Variants in STRN observed in about 807,000 individuals in gnomAD.
The protein encoded by STRN is striatin.
A neutral mutation model predicts 96.3 loss-of-function variants in STRN; 53 were observed. That is an observed-to-expected ratio of 0.55 (90% CI 0.44 to 0.69). The LOEUF is 0.69. STRN is among the 30% of genes least tolerant of loss of function. STRN has a pLI of 0.00. For synonymous variants in STRN, 428 were observed against 355.9 expected (o/e 1.20, Z -2.28); for missense variants, 987 against 963.9 (o/e 1.02, Z -0.32).
rs558810928 is a variant in STRN, at chr2:36,850,953, T to TG, written c.2086+46_2086+47insC. On this transcript the variant is annotated intron_variant, in intron 16 of 17. Coordinates refer to ENST00000263918, the MANE Select transcript of STRN (RefSeq NM_003162.4). ...AAAATTAGCCTACTTGTGGTAGGGA[T>TG]TTTTTTTTTTTGCTTTAATAAAAAT... 457 of 1,044,282 alleles carry TG rather than the reference T, an allele frequency of 4.4e-4. 3 individuals carry two copies. In the African/African-American group the frequency reaches 0.018, roughly 40 times the overall value. 64.7% of individuals were successfully genotyped at this position (1,044,282 alleles called of 1,614,324 possible). A position where few individuals can be genotyped will look rare whatever the true frequency, so the allele number is the denominator to read the frequency against.
At chr2:36,852,035 T>A (rs950077656) in intron 15 of STRN, among the ~76,000 whole-genome samples, 1 of 152,180 alleles carries the variant, frequency 6.6e-6, no homozygotes, top group Non-Finnish European at 1.5e-5. Context: ...AGTGAACACA[T>A]CAAGGTTCAG....
intron 1 of STRN, among the ~76,000 whole-genome samples, chr2:36,926,627 C>T (rs578219327): frequency 3.3e-5 from 5 of 152,240 alleles, no homozygotes; most frequent in Admixed American, 1.3e-4. Flanking sequence ...TAAAATCCAA[C>T]TTATCTAGTC....
chr2:36,903,044 T>C (rs1438267713), intron 4 of STRN: 2 of 180,112 alleles, frequency 1.1e-5, no homozygotes, highest in African/African-American at 4.7e-5. Flanking sequence ...ATTCTTTTCT[T>C]TAGGCTGGAT....
intron 11 of STRN, among the ~76,000 whole-genome samples, chr2:36,868,854 T>C (rs1668694152): frequency 1.3e-5 from 2 of 151,980 alleles, no homozygotes; most frequent in African/African-American, 4.8e-5. Context: ...AAAGGGTCTT[T>C]GCTGGCAGAT....
rs1455093869 is a variant in STRN at position 36,844,733 on chromosome 2, A to C, written c.*4723T>G. On this transcript the variant is annotated 3_prime_UTR_variant, in exon 18 of 18. Transcript: ENST00000263918. ...AAAGGATCTGTTAAATACTTTGTCA[A>C]CCTGGCATCCCTGACACTGACATGA... The C allele has an allele frequency of 2.0e-5, 3 of 152,140 alleles. No homozygotes were observed. Among genetic ancestry groups the C allele is most frequent in the African/African-American group, 7.2e-5 (3 of 41,450 alleles). 9.4% of individuals were successfully genotyped at this position (152,140 alleles called of 1,614,324 possible). A position where few individuals can be genotyped will look rare whatever the true frequency, so the allele number is the denominator to read the frequency against.
chr2:36,924,603 C>T (rs112226579), intron 2 of STRN, among the ~76,000 whole-genome samples: 5 of 152,076 alleles, frequency 3.3e-5, no homozygotes, highest in Non-Finnish European at 7.4e-5. Flanking sequence ...TAAGAAATCA[C>T]ATAAATCAGT....
Position 36,847,739 on chromosome 2 carries a change from T to C in STRN, c.*1717A>G, listed in dbSNP as rs1171046796. On this transcript the variant is annotated 3_prime_UTR_variant, in exon 18 of 18. Transcript: ENST00000263918. ...AATTCTAGAGGCAAACAGGCAGAAA[T>C]TTTACAGAAATATTTGTCAATCATT... 6.6e-6 allele frequency: 1 copy of C among 152,074 alleles called. No homozygotes were observed. The highest frequency in any genetic ancestry group is 1.5e-5 in the Non-Finnish European group (1 of 68,014). 9.4% of individuals were successfully genotyped at this position (152,074 alleles called of 1,614,324 possible). A position where few individuals can be genotyped will look rare whatever the true frequency, so the allele number is the denominator to read the frequency against.
At chr2:36,900,788 G>T (rs1029145081) in intron 5 of STRN, among the ~76,000 whole-genome samples, 1 of 152,082 alleles carries the variant, frequency 6.6e-6, no homozygotes, top group African/African-American at 2.4e-5. Flanking sequence ...GGCTACTCGG[G>T]AGGCTTAGGC....
intron 1 of STRN, among the ~76,000 whole-genome samples, chr2:36,952,449 G>GA (rs10557458): frequency 2.7e-3 from 207 of 76,804 alleles, no homozygotes; most frequent in South Asian, 6.1e-3. Flanking sequence ...AAGCACGAGA[G>GA]AAAAAAAAAA....
At chr2:36,881,542 A>T (rs1475412930) in intron 9 of STRN, among the ~76,000 whole-genome samples, 1 of 152,240 alleles carries the variant, frequency 6.6e-6, no homozygotes, top group East Asian at 1.9e-4. Context: ...TATCAGTTAT[A>T]GACAATTAAA....
rs1667967101 is a variant in STRN, at chr2:36,842,102, C to G, written c.*7354G>C. The G allele has an allele frequency of 6.6e-6, 1 of 152,208 alleles. No individual in the cohort carries two copies. The highest frequency in any genetic ancestry group is 2.4e-5 in the African/African-American group (1 of 41,440). 9.4% of individuals were successfully genotyped at this position (152,208 alleles called of 1,614,324 possible). On this transcript the variant is annotated 3_prime_UTR_variant, in exon 18 of 18. Coordinates refer to ENST00000263918, the MANE Select transcript of STRN (RefSeq NM_003162.4). The stretch of plus-strand genomic sequence containing the variant: ...ATTTCCAAAGGGAAGTAGTTGGATG[C>G]CAGCATACTTTAACATTTCGGCACA...
chr2:36,950,867 GCAGGCT>G (rs1429630424), intron 1 of STRN, among the ~76,000 whole-genome samples: 4 of 152,164 alleles, frequency 2.6e-5, no homozygotes, highest in Non-Finnish European at 5.9e-5. Flanking sequence ...TTGAGGGGAA[GCAGGCT>G]CAGAGACAAG....
intron 12 of STRN, among the ~76,000 whole-genome samples, chr2:36,862,739 T>C (rs1027850799): frequency 6.7e-6 from 1 of 149,862 alleles, no homozygotes; most frequent in African/African-American, 2.5e-5. Context: ...TTGTTTTTAT[T>C]CTTTTTTTTT....
At chr2:36,929,009 G>T (rs1340835068) in intron 1 of STRN, among the ~76,000 whole-genome samples, 1 of 150,862 alleles carries the variant, frequency 6.6e-6, no homozygotes, top group African/African-American at 2.4e-5. Context: ...TCATCATACT[G>T]CCATTTATCA....
chr2:36,869,705 TC>T lies in STRN; in HGVS notation c.1347del (p.Arg450GlyfsTer10). ...TYDIANNKDA[L>X]RKTWNPKFTL... ...GTAAACTTAGGGTTCCATGTCTTCC[TC>T]AATGCATCTTTATTGTTTGCTATCT... On this transcript the variant is annotated frameshift_variant, in exon 11 of 18. Coordinates refer to ENST00000263918, the MANE Select transcript of STRN (RefSeq NM_003162.4). LOFTEE classifies it high-confidence loss of function. The T allele has an allele frequency of 6.2e-7, 1 of 1,606,264 alleles. No individual in the cohort carries two copies. The highest frequency in any genetic ancestry group is 1.1e-5 in the South Asian group (1 of 89,262).
intron 3 of STRN, among the ~76,000 whole-genome samples, chr2:36,912,067 C>T (rs1315318656): frequency 6.6e-6 from 1 of 152,180 alleles, no homozygotes; most frequent in East Asian, 1.9e-4. Flanking sequence ...AACCTGTTAA[C>T]CTAACTTCCT....
chr2:36,880,919 G>T (rs1157359095), intron 9 of STRN, among the ~76,000 whole-genome samples: 2 of 152,002 alleles, frequency 1.3e-5, no homozygotes, highest in African/African-American at 2.4e-5. Context: ...CATACCAGTG[G>T]ACAGCCAGGA....
intron 10 of STRN, among the ~76,000 whole-genome samples, chr2:36,875,660 T>TG (rs1386302192): frequency 3.2e-3 from 1 of 314 alleles, no homozygotes; most frequent in Admixed American, 0.071. Context: ...ATAGAAATGA[T>TG]TTTTTTTTTT....
At chr2:36,947,717 G>A (rs896063349) in intron 1 of STRN, among the ~76,000 whole-genome samples, 1 of 151,660 alleles carries the variant, frequency 6.6e-6, no homozygotes. Context: ...ACAAATATAT[G>A]CAACCTTATT....
Sources: gnomAD v4.1 joint callset for allele counts (sites outside exome capture counted in the v4.1 genomes callset) on GRCh38, gnomAD v4.1.1 for gene constraint, MANE v1.5 for transcripts, NCBI Gene and HGNC (gene_info 2026-07-23, HGNC 2026-07-21) for gene names.